ZDHHC11B: variants seen among roughly 807,000 people sequenced by gnomAD.
The protein encoded by ZDHHC11B is probable palmitoyltransferase ZDHHC11B.
ZDHHC11B carries 17 observed loss-of-function variants against 42.3 expected under a neutral mutation model. The ratio of observed to expected loss-of-function variants is 0.40; its 90% CI spans 0.27 to 0.60. The LOEUF (loss-of-function observed/expected upper bound fraction) is 0.60, where lower values mean the gene tolerates loss of function less well. Ranked by LOEUF, ZDHHC11B falls within the 20% of genes least tolerant of loss-of-function variation. ZDHHC11B has a pLI of 0.41. For missense variants in ZDHHC11B, 262 were observed against 463.2 expected, an observed-to-expected ratio of 0.57 and a Z score of 3.99; for synonymous variants, 123 against 193.5, an observed-to-expected ratio of 0.64 and a Z score of 3.02.
intron 1 of ZDHHC11B, among the ~76,000 whole-genome samples, chr5:772,612 A>C (rs1464499433): frequency 6.6e-6 from 1 of 151,526 alleles, no homozygotes; most frequent in African/African-American, 2.4e-5. Flanking sequence ...AAGAAGTAGT[A>C]GATGCAGGAA....
At chr5:727,754 C>G (rs1406589690) in intron 12 of ZDHHC11B, among the ~76,000 whole-genome samples, 1 of 132,494 alleles carries the variant, frequency 7.5e-6, no homozygotes, top group East Asian at 2.1e-4. Flanking sequence ...GATAAAGTAA[C>G]CTTAGCTCTC....
intron 10 of ZDHHC11B, 110 bp from the exon 11 acceptor site, chr5:733,949 A>G (rs923615022): frequency 3.0e-6 from 3 of 990,228 alleles, no homozygotes; most frequent in South Asian, 2.9e-5. Context: ...TGGGGCACAC[A>G]TGTCTCAAAA....
intron 1 of ZDHHC11B, among the ~76,000 whole-genome samples, chr5:776,658 C>CT (rs1211406670): frequency 1.3e-5 from 2 of 151,912 alleles, no homozygotes; most frequent in Non-Finnish European, 2.9e-5. Flanking sequence ...AAAAGCCACC[C>CT]TCACAGCGGA....
At position 766,701 on chromosome 5, in the gene ZDHHC11B, A is replaced by G. The variant is rs748060938; in HGVS notation, c.219T>C (p.Tyr73=). The G allele has an allele frequency of 1.6e-5, 25 of 1,607,422 alleles. 2 individuals are homozygous for G. The highest frequency in any genetic ancestry group is 8.5e-5 in the Admixed American group (5 of 59,008). The change falls in exon 4 of 14, where the codon TAT becomes TAC. Residue 73 remains tyrosine, a synonymous_variant. Transcript: ENST00000508859. The part of the protein sequence containing the change: ...LLPHSWKYIA[Y]VVTGGIFSFH... ...CATGCCACGATGAAAAGGATACCAC[A>G]TAGGCGATGTATTTCCACGAGTGAG... is the stretch of plus-strand genomic sequence containing the variant.
At chr5:770,530 C>T (rs375355038) in intron 1 of ZDHHC11B, among the ~76,000 whole-genome samples, 1,889 of 149,210 alleles carry the variant, frequency 0.013, 31 homozygotes, top group African/African-American at 0.045. Context: ...TGTGGACGCC[C>T]GCTCTGCAGC....
At chr5:722,757 C>T (rs2455348) in intron 12 of ZDHHC11B, among the ~76,000 whole-genome samples, 73,379 of 148,348 alleles carry the variant, frequency 0.49, 14,275 homozygotes, top group African/African-American at 0.55. Flanking sequence ...CATGCCCAAC[C>T]ATAGCAGAGG....
At chr5:766,572 A>G in intron 4 of ZDHHC11B, 126 bp downstream of exon 4, 4 of 1,084,716 alleles carry the variant, frequency 3.7e-6, no homozygotes, top group Admixed American at 4.6e-5. Flanking sequence ...CTCGGGGGAC[A>G]TAGTCTGGCC....
At chr5:748,612 A>G in intron 7 of ZDHHC11B, 53 bp from the exon 8 acceptor site, 1 of 1,314,522 alleles carries the variant, frequency 7.6e-7, no homozygotes, top group Non-Finnish European at 1.0e-6. Context: ...CGGGTGCCAC[A>G]TCAGGTGGAT....
chr5:777,344 A>G (rs1049169272), intron 1 of ZDHHC11B, among the ~76,000 whole-genome samples: 1 of 151,810 alleles, frequency 6.6e-6, no homozygotes, highest in Non-Finnish European at 1.5e-5. Context: ...CGCCTCTCAG[A>G]GACAGCGCGT....
chr5:766,848 C>T lies in ZDHHC11B; in HGVS notation c.72G>A (p.Leu24=), dbSNP rs781414589. 1.4e-5 allele frequency: 23 copies of T among 1,612,696 alleles called. No individual in the cohort carries two copies. Among genetic ancestry groups the T allele is most frequent in the African/African-American group, 2.7e-5 (2 of 74,790 alleles). ...EAIRNNEELV[L]PPRISRVNGW... ...CGTTCACTCTGGAGATGCGGGGCGG[C>T]AAGACCAGCTCTTCATTGTTGCGTA... The change falls in exon 4 of 14, where the codon TTG becomes TTA. Residue 24 remains leucine (L), a synonymous_variant. Transcript: ENST00000508859.
rs969308152 is a variant in ZDHHC11B at position 777,565 on chromosome 5, C to T, written c.-230+7103G>A. Among the ~76,000 whole-genome samples, 8 of 152,064 alleles carry T rather than the reference C, an allele frequency of 5.3e-5. No homozygotes were observed. In the South Asian group the frequency reaches 8.3e-4, roughly 16 times the overall value. ...GGAGTCAGGTTGCGGCAGGGCGTTC[C>T]GGCTACCCGCTTTTATTCCGTTATC... On this transcript the variant is annotated intron_variant, in intron 1 of 13. Coordinates refer to ENST00000508859, the MANE Select transcript of ZDHHC11B (RefSeq NM_001351303.2).
intron 12 of ZDHHC11B, among the ~76,000 whole-genome samples, chr5:724,071 TG>T (rs1352735064): frequency 2.0e-5 from 3 of 151,446 alleles, no homozygotes; most frequent in African/African-American, 7.3e-5. Flanking sequence ...CCTCTGGGTG[TG>T]GGTTCAGACC....
intron 8 of ZDHHC11B, among the ~76,000 whole-genome samples, chr5:745,559 G>A (rs1744699561): frequency 6.7e-6 from 1 of 150,076 alleles, no homozygotes; most frequent in African/African-American, 2.4e-5. Flanking sequence ...CCCCCCGCCT[G>A]CCAAGGCCTC....
intron 7 of ZDHHC11B, among the ~76,000 whole-genome samples, chr5:749,220 T>C (rs1380644868): frequency 7.7e-6 from 1 of 129,798 alleles, no homozygotes; most frequent in Admixed American, 8.8e-5. Flanking sequence ...AACAGCCGCC[T>C]TCAAATAGAA....
intron 1 of ZDHHC11B, among the ~76,000 whole-genome samples, chr5:775,485 C>T (rs1344432958): frequency 1.3e-5 from 2 of 151,994 alleles, no homozygotes; most frequent in African/African-American, 4.8e-5. Flanking sequence ...GCAAGCATTC[C>T]TTGGGAAGGG....
intron 12 of ZDHHC11B, among the ~76,000 whole-genome samples, chr5:720,788 T>C (rs994167900): frequency 7.9e-5 from 12 of 151,518 alleles, no homozygotes; most frequent in African/African-American, 2.4e-4. Context: ...GGGATGGAGA[T>C]GGATAAAAGC....
chr5:712,955 G>A lies in ZDHHC11B; in HGVS notation c.*8-673C>T, dbSNP rs199926716. ...ATATATATATATATTCTTTGTTTAC[G>A]GCATTTATCAATTGAATTATGTTGT... is the stretch of plus-strand genomic sequence containing the variant. On this transcript the variant is annotated intron_variant, in intron 13 of 13. Coordinates refer to ENST00000508859, the MANE Select transcript of ZDHHC11B (RefSeq NM_001351303.2). Among the ~76,000 whole-genome samples, 19 of 148,470 alleles carry A rather than the reference G, an allele frequency of 1.3e-4. No individual in the cohort carries two copies. In the East Asian group the frequency reaches 1.4e-3, roughly 11 times the overall value.
At chr5:750,696 A>G (rs1745496515) in intron 7 of ZDHHC11B, among the ~76,000 whole-genome samples, 1 of 124,712 alleles carries the variant, frequency 8.0e-6, no homozygotes, top group Non-Finnish European at 1.8e-5. Flanking sequence ...CAAGGGCCTC[A>G]GCACACCGCA....
intron 9 of ZDHHC11B, among the ~76,000 whole-genome samples, chr5:742,545 C>T (rs185087472): frequency 1.6e-4 from 23 of 144,864 alleles, no homozygotes; most frequent in African/African-American, 5.6e-4. Flanking sequence ...AGTATGTCGG[C>T]GCCATTTTCC....
Sources: allele counts gnomAD v4.1 joint callset (sites outside exome capture counted in the v4.1 genomes callset), GRCh38; gene constraint gnomAD v4.1.1; transcripts MANE v1.5; gene names NCBI Gene and HGNC (gene_info 2026-07-23, HGNC 2026-07-21).